TSPEAR: variants seen among roughly 807,000 people sequenced by gnomAD.
The protein encoded by TSPEAR is thrombospondin-type laminin G domain and EAR repeat-containing protein.
A neutral mutation model predicts 71.6 loss-of-function variants in TSPEAR; 69 were observed. That is an observed-to-expected ratio of 0.96 (90% CI 0.79 to 1.18). The LOEUF (loss-of-function observed/expected upper bound fraction) is 1.18, where lower values mean the gene tolerates loss of function less well. Among genes scored for constraint, TSPEAR ranks in the 50% most tolerant of loss-of-function variants. The pLI is 0.00. For synonymous variants in TSPEAR, 402 were observed against 387.2 expected (o/e 1.04, Z -0.45); for missense variants, 971 against 894.9 (o/e 1.09, Z -1.09).
chr21:44,638,438 G>A (rs868958516), intron 1 of TSPEAR: 21 of 398,520 alleles, frequency 5.3e-5, no homozygotes, highest in Middle Eastern at 7.3e-4. Flanking sequence ...TAATAAAGCC[G>A]CCTCTGTCTC....
At chr21:44,517,755 A>G (rs202122569) in intron 9 of TSPEAR, 1 of 471,174 alleles carries the variant, frequency 2.1e-6, no homozygotes, top group Admixed American at 2.3e-5. Context: ...CGCCTTCAGA[A>G]CACTGAGCCC....
chr21:44,554,894 G>A (rs1555919532), intron 2 of TSPEAR, among the ~76,000 whole-genome samples: 1 of 152,156 alleles, frequency 6.6e-6, no homozygotes, highest in Non-Finnish European at 1.5e-5. Context: ...GGGTGGGGGT[G>A]GAACCGTGGG....
chr21:44,554,203 GA>G (rs1555919476), intron 2 of TSPEAR, among the ~76,000 whole-genome samples: 1 of 152,176 alleles, frequency 6.6e-6, no homozygotes. Context: ...CTTTAAAGAA[GA>G]AACCGTGGAG....
chr21:44,513,184 T>C (rs894786635), intron 9 of TSPEAR, among the ~76,000 whole-genome samples: 5 of 152,208 alleles, frequency 3.3e-5, no homozygotes, highest in African/African-American at 4.8e-5. Flanking sequence ...GAGTCCACGG[T>C]AGGGCGGTCA....
At chr21:44,690,935 G>A (rs782428580) in intron 1 of TSPEAR, among the ~76,000 whole-genome samples, 4 of 152,156 alleles carry the variant, frequency 2.6e-5, no homozygotes, top group South Asian at 2.1e-4. Flanking sequence ...TTTTAAAGTA[G>A]TGGAAATATT....
At chr21:44,550,369 C>G (rs587678732) in intron 2 of TSPEAR, 1 of 509,180 alleles carries the variant, frequency 2.0e-6, no homozygotes, top group African/African-American at 1.9e-5. Flanking sequence ...GGGCCGCAGA[C>G]GCTTTATTGG....
intron 2 of TSPEAR, chr21:44,558,465 C>G (rs771527459): frequency 1.1e-5 from 17 of 1,613,940 alleles, no homozygotes; most frequent in Non-Finnish European, 1.4e-5. Flanking sequence ...TGGCTGGCAG[C>G]TAGACTGCTG....
chr21:44,591,097 G>A (rs1391525611), intron 1 of TSPEAR, among the ~76,000 whole-genome samples: 2 of 152,040 alleles, frequency 1.3e-5, no homozygotes, highest in Non-Finnish European at 2.9e-5. Context: ...CCACAGACAG[G>A]ACAGAGGTTG....
chr21:44,611,264 A>G (rs1307472832), intron 1 of TSPEAR, among the ~76,000 whole-genome samples: 1 of 152,156 alleles, frequency 6.6e-6, no homozygotes, highest in Non-Finnish European at 1.5e-5. Flanking sequence ...CAGCATTCCT[A>G]CATGTTGTGG....
intron 1 of TSPEAR, among the ~76,000 whole-genome samples, chr21:44,617,189 G>A (rs1982157789): frequency 6.6e-6 from 1 of 152,266 alleles, no homozygotes; most frequent in African/African-American, 2.4e-5. Flanking sequence ...ACTCCTGGCA[G>A]GTGGCAGAGG....
chr21:44,516,170 C>T (rs587662375), intron 9 of TSPEAR: 1 of 152,410 alleles, frequency 6.6e-6, no homozygotes, highest in Admixed American at 6.5e-5. Context: ...CTCCAAAAGG[C>T]TTTCCAAAAC....
chr21:44,676,519 GTATTTA>G, intron 1 of TSPEAR: 1 of 764,198 alleles, frequency 1.3e-6, no homozygotes, highest in Non-Finnish European at 2.4e-6. Flanking sequence ...GGCATAGGCG[GTATTTA>G]TATCCAGAGT....
At chr21:44,641,948 C>A (rs782284258) in intron 1 of TSPEAR, among the ~76,000 whole-genome samples, 10 of 152,088 alleles carry the variant, frequency 6.6e-5, no homozygotes, top group African/African-American at 2.2e-4. Context: ...AAACACGACC[C>A]CCTCTTTTCA....
At chr21:44,510,726 G>A (rs1379937729) in intron 9 of TSPEAR, 1 of 152,338 alleles carries the variant, frequency 6.6e-6, no homozygotes, top group Non-Finnish European at 1.5e-5. Flanking sequence ...GGCGCCACAG[G>A]TGAGGACACA....
At chr21:44,597,536 G>A (rs1015810621) in intron 1 of TSPEAR, among the ~76,000 whole-genome samples, 2 of 151,354 alleles carry the variant, frequency 1.3e-5, no homozygotes, top group South Asian at 2.1e-4. Context: ...GGGTTCAAGC[G>A]ATTCTCCTGC....
intron 1 of TSPEAR, among the ~76,000 whole-genome samples, chr21:44,661,052 G>A (rs1555943505): frequency 6.6e-6 from 1 of 152,168 alleles, no homozygotes; most frequent in East Asian, 1.9e-4. Flanking sequence ...AGCACTTTGG[G>A]AGGCCGAGGC....
chr21:44,649,603 CG>C (rs1984654130), intron 1 of TSPEAR, among the ~76,000 whole-genome samples: 1 of 152,190 alleles, frequency 6.6e-6, no homozygotes, highest in Admixed American at 6.5e-5. Flanking sequence ...CTGGCTCTGT[CG>C]GGGCAGCCCT....
At chr21:44,508,464 C>T (rs1049810810) in intron 10 of TSPEAR, 3 of 1,018,016 alleles carry the variant, frequency 2.9e-6, no homozygotes, top group Non-Finnish European at 3.5e-6. Context: ...CAGATTCCAG[C>T]TCCAAGCTTG....
intron 1 of TSPEAR, among the ~76,000 whole-genome samples, chr21:44,706,718 CAGGG>C (rs1326896776): frequency 2.6e-5 from 4 of 152,190 alleles, no homozygotes; most frequent in Admixed American, 2.6e-4. Context: ...GGGACGGGGG[CAGGG>C]AGGGGCTCCC....
Sources: gnomAD v4.1 joint callset for allele counts (sites outside exome capture counted in the v4.1 genomes callset) on GRCh38, gnomAD v4.1.1 for gene constraint, MANE v1.5 for transcripts, NCBI Gene and HGNC (gene_info 2026-07-23, HGNC 2026-07-21) for gene names.